Variants in NRXN1 observed in about 807,000 individuals in gnomAD.
NRXN1 encodes the protein neurexin-1.
Under a neutral mutation model 150.9 loss-of-function variants are expected in NRXN1, and 39 were observed. That is an observed-to-expected ratio of 0.26 (90% CI 0.20 to 0.34). NRXN1 has a LOEUF of 0.34. Ranked by LOEUF, NRXN1 falls within the 10% of genes least tolerant of loss-of-function variation. The probability of loss-of-function intolerance (pLI) is 1.00; values close to 1 mark genes in which losing one functional copy is unlikely to be tolerated. For missense variants in NRXN1, 1,815 were observed against 1,949.9 expected, an observed-to-expected ratio of 0.93 and a Z score of 1.30; for synonymous variants, 924 against 757.0, an observed-to-expected ratio of 1.22 and a Z score of -3.62.
chr2:50,776,541 T>C (rs953032735), intron 5 of NRXN1, among the ~76,000 whole-genome samples: 2 of 151,644 alleles, frequency 1.3e-5, no homozygotes, highest in African/African-American at 4.8e-5. Context: ...AATTGAACAA[T>C]TGAAACACTT....
chr2:50,420,584 T>C (rs1164545060), intron 17 of NRXN1, among the ~76,000 whole-genome samples: 5 of 152,076 alleles, frequency 3.3e-5, no homozygotes, highest in African/African-American at 2.4e-5. Flanking sequence ...CCTATGATAC[T>C]TAACATCATC....
At chr2:50,621,783 T>C (rs772624186) in intron 6 of NRXN1, among the ~76,000 whole-genome samples, 6 of 152,282 alleles carry the variant, frequency 3.9e-5, no homozygotes, top group Middle Eastern at 3.4e-3. Context: ...TTCGGTCATA[T>C]TGATGGACTT....
chr2:50,032,577 T>G (rs1428771201), intron 21 of NRXN1, among the ~76,000 whole-genome samples: 1 of 152,070 alleles, frequency 6.6e-6, no homozygotes, highest in Non-Finnish European at 1.5e-5. Context: ...CAGTGTTCTA[T>G]GGACTAAACT....
chr2:50,761,440 T>A (rs1326497862), intron 5 of NRXN1, among the ~76,000 whole-genome samples: 1 of 151,948 alleles, frequency 6.6e-6, no homozygotes, highest in African/African-American at 2.4e-5. Flanking sequence ...CACACTCTCT[T>A]GCCTGCTGCC....
At chr2:50,988,401 T>G (rs942312346) in intron 2 of NRXN1, among the ~76,000 whole-genome samples, 4 of 151,982 alleles carry the variant, frequency 2.6e-5, no homozygotes, top group Non-Finnish European at 5.9e-5. Flanking sequence ...TTCATGGCTT[T>G]TACTACTATG....
intron 8 of NRXN1, among the ~76,000 whole-genome samples, chr2:50,577,569 G>A (rs371332260): frequency 5.9e-5 from 9 of 151,886 alleles, no homozygotes; most frequent in Non-Finnish European, 4.4e-5. Context: ...TTCAACCTGC[G>A]GCCAAGGTTA....
At chr2:50,303,068 G>A (rs2074310764) in intron 17 of NRXN1, among the ~76,000 whole-genome samples, 1 of 152,034 alleles carries the variant, frequency 6.6e-6, no homozygotes, top group Non-Finnish European at 1.5e-5. Context: ...AGAACACCAC[G>A]CTTGAGTCAA....
chr2:50,140,135 T>C (rs1309496727), intron 18 of NRXN1, among the ~76,000 whole-genome samples: 1 of 152,146 alleles, frequency 6.6e-6, no homozygotes, highest in East Asian at 1.9e-4. Flanking sequence ...TGGATTAAAA[T>C]ATATACAGCA....
chr2:50,237,670 A>T (rs1327617081), intron 17 of NRXN1, among the ~76,000 whole-genome samples: 1 of 151,966 alleles, frequency 6.6e-6, no homozygotes, highest in Non-Finnish European at 1.5e-5. Flanking sequence ...GAATAATGTC[A>T]CGGACTCATT....
chr2:50,495,821 A>G, intron 15 of NRXN1, 84 bp downstream of exon 15: 1 of 1,238,910 alleles, frequency 8.1e-7, no homozygotes, highest in Non-Finnish European at 1.1e-6. Context: ...AGAAGGTACA[A>G]ACACACCCCT....
intron 8 of NRXN1, among the ~76,000 whole-genome samples, chr2:50,610,675 A>G (rs1208845690): frequency 7.7e-6 from 1 of 129,910 alleles, no homozygotes; most frequent in African/African-American, 2.9e-5. Flanking sequence ...ATATATATAT[A>G]TATCTGTACA....
At chr2:50,021,752 AT>A (rs1480507823) in intron 21 of NRXN1, among the ~76,000 whole-genome samples, 1 of 152,190 alleles carries the variant, frequency 6.6e-6, no homozygotes, top group Non-Finnish European at 1.5e-5. Context: ...TTTAACACAT[AT>A]TTTGCTAAAT....
chr2:50,906,752 C>T (rs1683742559), intron 5 of NRXN1, among the ~76,000 whole-genome samples: 1 of 151,976 alleles, frequency 6.6e-6, no homozygotes, highest in Non-Finnish European at 1.5e-5. Flanking sequence ...ATGCTTCTGC[C>T]TGAAATGTGT....
chr2:49,918,715 A>T lies in NRXN1; in HGVS notation c.*3229T>A, dbSNP rs1667718720. 1 of 152,168 alleles carries T rather than the reference A, an allele frequency of 6.6e-6. No individual in the cohort carries two copies. The highest frequency in any genetic ancestry group is 2.4e-5 in the African/African-American group (1 of 41,454). The allele number at this position is 152,168 out of a possible 1,614,324, so 9.4% of individuals were successfully genotyped here. A position where few individuals can be genotyped will look rare whatever the true frequency, so the allele number is the denominator to read the frequency against. On this transcript the variant is annotated 3_prime_UTR_variant, in exon 23 of 23. Transcript: ENST00000401669. The stretch of plus-strand genomic sequence containing the variant: ...TAAGTGTATGAATATAGAGGTCTTT[A>T]ATGACTAGTTAAATCCAGAAAAAAG...
intron 2 of NRXN1, among the ~76,000 whole-genome samples, chr2:51,013,008 A>C (rs1668119788): frequency 1.3e-5 from 2 of 152,032 alleles, no homozygotes; most frequent in African/African-American, 4.8e-5. Context: ...ATTACATAGG[A>C]TATAAACGGA....
At chr2:50,720,734 A>G (rs1280273179) in intron 5 of NRXN1, among the ~76,000 whole-genome samples, 3 of 152,188 alleles carry the variant, frequency 2.0e-5, no homozygotes, top group Admixed American at 6.5e-5. Flanking sequence ...TGTTCCTGTT[A>G]TCAAGTATTT....
intron 18 of NRXN1, among the ~76,000 whole-genome samples, chr2:50,159,913 A>G (rs2059258938): frequency 1.3e-5 from 2 of 152,166 alleles, no homozygotes; most frequent in African/African-American, 4.8e-5. Context: ...AACGTCCAAG[A>G]CTTTGTGTTT....
chr2:50,379,486 C>T (rs1454458561), intron 17 of NRXN1, among the ~76,000 whole-genome samples: 1 of 152,088 alleles, frequency 6.6e-6, no homozygotes, highest in East Asian at 1.9e-4. Context: ...AGAGTATTGA[C>T]TGCTAGGCAG....
At chr2:50,782,974 T>C (rs1355115241) in intron 5 of NRXN1, among the ~76,000 whole-genome samples, 4 of 152,168 alleles carry the variant, frequency 2.6e-5, no homozygotes, top group Non-Finnish European at 5.9e-5. Flanking sequence ...TTCATTATGT[T>C]TCTGAGACTT....
Sources: gnomAD v4.1 joint callset for allele counts (sites outside exome capture counted in the v4.1 genomes callset) on GRCh38, gnomAD v4.1.1 for gene constraint, MANE v1.5 for transcripts, NCBI Gene and HGNC (gene_info 2026-07-23, HGNC 2026-07-21) for gene names.